Variants in CCNY observed in about 807,000 individuals in gnomAD.
CCNY encodes the protein cyclin-Y.
Under a neutral mutation model 42.8 loss-of-function variants are expected in CCNY, and 19 were observed. The ratio of observed to expected loss-of-function variants is 0.44; its 90% CI spans 0.31 to 0.65. The LOEUF is 0.65. CCNY is among the 30% of genes least tolerant of loss of function. The probability of loss-of-function intolerance (pLI) is 0.07; values close to 1 mark genes in which losing one functional copy is unlikely to be tolerated. For missense variants in CCNY, 370 were observed against 437.3 expected (o/e 0.85, Z 1.37); for synonymous variants, 165 against 162.7 (o/e 1.01, Z -0.11).
chr10:35,377,583 C>G (rs1037959640), intron 1 of CCNY, among the ~76,000 whole-genome samples: 1 of 152,152 alleles, frequency 6.6e-6, no homozygotes, highest in Admixed American at 6.5e-5. Flanking sequence ...GAACATATCC[C>G]TGTCATTAAG....
chr10:35,295,534 A>G (rs1835462058), intron 3 of CCNY, among the ~76,000 whole-genome samples: 1 of 151,912 alleles, frequency 6.6e-6, no homozygotes, highest in Admixed American at 6.6e-5. Context: ...CCCCAGCCTC[A>G]TCATTACAAA....
chr10:35,473,965 G>A (rs1264791775), intron 1 of CCNY, among the ~76,000 whole-genome samples: 2 of 152,202 alleles, frequency 1.3e-5, no homozygotes, highest in Middle Eastern at 3.2e-3. Flanking sequence ...GAAGCAGGGC[G>A]AGGCATTGCC....
intron 1 of CCNY, among the ~76,000 whole-genome samples, chr10:35,472,487 A>G (rs1839409939): frequency 6.6e-6 from 1 of 152,112 alleles, no homozygotes; most frequent in African/African-American, 2.4e-5. Flanking sequence ...CCTTCAACTT[A>G]GAAGGATGCT....
At chr10:35,304,076 C>T (rs568520472) in intron 3 of CCNY, among the ~76,000 whole-genome samples, 3 of 152,070 alleles carry the variant, frequency 2.0e-5, no homozygotes, top group Non-Finnish European at 4.4e-5. Context: ...GTCTCCTGCA[C>T]CCGTGAATGG....
upstream of CCNY, among the ~76,000 whole-genome samples, chr10:35,332,023 T>A (rs1463547164): frequency 6.6e-6 from 1 of 152,218 alleles, no homozygotes; most frequent in Non-Finnish European, 1.5e-5. Flanking sequence ...ATGAGTCACC[T>A]GACTTGATCA....
intron 3 of CCNY, chr10:35,327,678 G>A (rs1347522342): frequency 3.9e-5 from 6 of 152,304 alleles, no homozygotes; most frequent in South Asian, 2.1e-4. Context: ...CTTCTGTTGA[G>A]CACTGTATAC....
chr10:35,450,172 C>T (rs751567256), intron 1 of CCNY, among the ~76,000 whole-genome samples: 5 of 151,272 alleles, frequency 3.3e-5, no homozygotes, highest in African/African-American at 7.3e-5. Context: ...GTGGTGGAAT[C>T]GGGCTTTGTG....
chr10:35,379,119 C>A (rs1837119873), intron 1 of CCNY, among the ~76,000 whole-genome samples: 1 of 152,164 alleles, frequency 6.6e-6, no homozygotes, highest in African/African-American at 2.4e-5. Context: ...CCTGATGAGA[C>A]CTCACGATGT....
At chr10:35,462,516 C>G (rs1839177573) in intron 1 of CCNY, among the ~76,000 whole-genome samples, 1 of 152,226 alleles carries the variant, frequency 6.6e-6, no homozygotes, top group Non-Finnish European at 1.5e-5. Context: ...CATGCTGAGG[C>G]TGGAACCAAG....
At chr10:35,556,566 C>A (rs191488734) in intron 8 of CCNY, among the ~76,000 whole-genome samples, 232 of 152,236 alleles carry the variant, frequency 1.5e-3, no homozygotes, top group Non-Finnish European at 2.8e-3. Context: ...CAAACAATTG[C>A]GTATATGGAT....
At chr10:35,460,627 C>G (rs1248792525) in intron 1 of CCNY, among the ~76,000 whole-genome samples, 1 of 152,162 alleles carries the variant, frequency 6.6e-6, no homozygotes, top group African/African-American at 2.4e-5. Context: ...AAGAAAATAC[C>G]TTTAGCAGGA....
chr10:35,409,518 C>T (rs1479306833), intron 1 of CCNY, among the ~76,000 whole-genome samples: 1 of 152,134 alleles, frequency 6.6e-6, no homozygotes, highest in Non-Finnish European at 1.5e-5. Context: ...AGAAAAAAGA[C>T]TGGAGGCGTG....
chr10:35,333,117 C>T (rs934319962), upstream of CCNY, among the ~76,000 whole-genome samples: 3 of 152,052 alleles, frequency 2.0e-5, no homozygotes, highest in East Asian at 5.8e-4. Flanking sequence ...TAGCTCACTG[C>T]AGCCTCCTAC....
chr10:35,334,091 C>T, upstream of CCNY, among the ~76,000 whole-genome samples: 1 of 151,878 alleles, frequency 6.6e-6, no homozygotes, highest in Non-Finnish European at 1.5e-5. Flanking sequence ...GAGGCTGTAC[C>T]ACCCTTTGTT....
chr10:35,513,521 T>G (rs1348631467), intron 3 of CCNY, among the ~76,000 whole-genome samples: 1 of 152,216 alleles, frequency 6.6e-6, no homozygotes, highest in Admixed American at 6.5e-5. Context: ...CAGTTTCTAC[T>G]TAACGATTAC....
intron 7 of CCNY, among the ~76,000 whole-genome samples, chr10:35,535,449 GA>G (rs1420761836): frequency 6.6e-6 from 1 of 152,068 alleles, no homozygotes; most frequent in Non-Finnish European, 1.5e-5. Flanking sequence ...GCCTCCAGTG[GA>G]ATGCTGAGTT....
intron 4 of CCNY, among the ~76,000 whole-genome samples, chr10:35,522,579 C>T (rs138737994): frequency 0.011 from 1,682 of 152,214 alleles, 25 homozygotes; most frequent in Non-Finnish European, 0.01. Flanking sequence ...TATAGATACA[C>T]GTCTCCCAGG....
At position 35,530,340 on chromosome 10, in the gene CCNY, C is replaced by A; in HGVS notation, c.579+97C>A. Reference sequence around the variant, plus strand: ...GAGTGAGGTTGGAGCAGGGAATCCTCACCAGGTTACCCTGTGGACACCGTG... The same window carrying A: ...GAGTGAGGTTGGAGCAGGGAATCCTAACCAGGTTACCCTGTGGACACCGTG... On this transcript the variant is annotated intron_variant, in intron 7 of 9. Transcript: ENST00000374704. This position sits in a 1 kb window ranked among gnomAD's most constrained non-coding sequence, Gnocchi z 4.3. The A allele has an allele frequency of 6.8e-7, 1 of 1,475,998 alleles. No individual in the cohort carries two copies. Among genetic ancestry groups the A allele is most frequent in the Non-Finnish European group, 9.3e-7 (1 of 1,075,066 alleles). 91.4% of individuals were successfully genotyped at this position (1,475,998 alleles called of 1,614,324 possible).
At chr10:35,568,964 C>A in intron 9 of CCNY, 90 bp from the exon 10 acceptor site, 1 of 815,856 alleles carries the variant, frequency 1.2e-6, no homozygotes, top group Non-Finnish European at 2.1e-6. Context: ...TCTGCCTGTC[C>A]CTCATGCAGC....
Sources: allele counts gnomAD v4.1 joint callset (sites outside exome capture counted in the v4.1 genomes callset), GRCh38; gene constraint gnomAD v4.1.1; non-coding constraint Gnocchi (gnomAD v3.1); transcripts MANE v1.5; gene names NCBI Gene and HGNC (gene_info 2026-07-23, HGNC 2026-07-21).